The following SLC6A12 variants were observed in gnomAD, a reference collection of about 807,000 sequenced individuals.
The protein encoded by SLC6A12 is solute carrier family 6 member 12.
Under a neutral mutation model 73.3 loss-of-function variants are expected in SLC6A12, and 50 were observed. The ratio of observed to expected loss-of-function variants is 0.68; its 90% CI spans 0.54 to 0.86. SLC6A12 has a LOEUF of 0.86. Among genes scored for constraint, SLC6A12 ranks in the 40% least tolerant of loss-of-function variants. The pLI is 0.00. For synonymous variants in SLC6A12, 304 were observed against 309.2 expected (o/e 0.98, Z 0.18); for missense variants, 648 against 772.8 (o/e 0.84, Z 1.92).
chr12:187,589 C>CAAAAAAAAAAAAAAAAAAAAAAAAAAAA (rs761187495), downstream of SLC6A12, among the ~76,000 whole-genome samples: 11 of 106,052 alleles, frequency 1.0e-4, 1 homozygote, highest in East Asian at 3.1e-4. Context: ...TGCAAAAGAG[C>CAAAAAAAAAAAAAAAAAAAAAAAAAAAA]AAAAAAAAAA....
chr12:189,556 G>T (rs1048867267), downstream of SLC6A12, among the ~76,000 whole-genome samples: 2 of 152,122 alleles, frequency 1.3e-5, no homozygotes, highest in African/African-American at 4.8e-5. Flanking sequence ...GCCCCTGGGC[G>T]GGGGGTCCAG....
At chr12:187,615 AAAAAAAAAAAAAAAAACAAAC>A (rs1939457907), downstream of SLC6A12, among the ~76,000 whole-genome samples, 12 of 15,560 alleles carry the variant, frequency 7.7e-4, 1 homozygote, top group African/African-American at 1.1e-3. Context: ...AAAAAAAAAA[AAAAAAAAAAAAAAAAACAAAC>A]CACACACACA....
chr12:208,102 G>T (rs1940739468), intron 3 of SLC6A12, among the ~76,000 whole-genome samples: 1 of 152,160 alleles, frequency 6.6e-6, no homozygotes, highest in Non-Finnish European at 1.5e-5. Flanking sequence ...ACGCAGAAAT[G>T]GTTCCAAGGC....
rs1461633424 is a variant in SLC6A12 at position 209,926 on chromosome 12, CCT to C, written c.59_60del (p.Glu20GlyfsTer131). ...CGPPAVSWVP[E>X]EGEKLDQEDE... ...TCTTCCTGGTCCAACTTCTCTCCCT[CCT>C]CGGGGACCCAGGAGACTGCAGGAGG... On this transcript the variant is annotated frameshift_variant, in exon 3 of 16. Transcript: ENST00000684302. LOFTEE classifies it high-confidence loss of function. 6.2e-7 allele frequency: 1 copy of C among 1,614,108 alleles called. No individual in the cohort carries two copies. The highest frequency in any genetic ancestry group is 8.5e-7 in the Non-Finnish European group (1 of 1,180,048).
rs904562973 is a variant in SLC6A12 at position 195,413 on chromosome 12, G to T, written c.1327-86C>A. Reference sequence around the variant, plus strand: ...TCAGTGAGATGGCAAATGCCCACGTGGGGTGCACTCCTGCCCGGCCTGTGG... The same window carrying T: ...TCAGTGAGATGGCAAATGCCCACGTTGGGTGCACTCCTGCCCGGCCTGTGG... On this transcript the variant is annotated intron_variant, in intron 12 of 15. Coordinates refer to ENST00000684302, the MANE Select transcript of SLC6A12 (RefSeq NM_001122848.3). 1.1e-4 allele frequency: 100 copies of T among 871,510 alleles called. No homozygotes were observed. In the East Asian group the frequency reaches 2.4e-3, roughly 21 times the overall value. 54.0% of individuals were successfully genotyped at this position (871,510 alleles called of 1,614,324 possible).
chr12:198,522 C>T lies in SLC6A12; in HGVS notation c.846+275G>A, dbSNP rs1021102996. 3.9e-5 allele frequency: 13 copies of T among 330,594 alleles called. No individual in the cohort carries two copies. Among genetic ancestry groups the T allele is most frequent in the Non-Finnish European group, 6.6e-5 (12 of 180,474 alleles). The allele number at this position is 330,594 out of a possible 1,614,324, so 20.5% of individuals were successfully genotyped here. On this transcript the variant is annotated intron_variant, in intron 8 of 15. Transcript: ENST00000684302. The surrounding 1 kb of genome is among the most constrained non-coding windows in gnomAD (Gnocchi z 4.0). ...GAGGCTGCAGTGAGCTATGATGGCA[C>T]CACTGCACTCCAGCCTGGGGGACAG...
chr12:201,536 G>T, intron 6 of SLC6A12: 1 of 537,418 alleles, frequency 1.9e-6, no homozygotes, highest in Non-Finnish European at 3.4e-6. Context: ...GGGATGTGGG[G>T]CTGAAGGTGG....
downstream of SLC6A12, among the ~76,000 whole-genome samples, chr12:186,996 C>CA (rs1491259980): frequency 6.6e-6 from 1 of 152,164 alleles, no homozygotes; most frequent in Non-Finnish European, 1.5e-5. Context: ...CCAAAGTTCT[C>CA]ACTTTCTCCG....
intron 6 of SLC6A12, chr12:201,523 G>T (rs1056981408): frequency 3.9e-6 from 2 of 518,506 alleles, no homozygotes; most frequent in South Asian, 2.1e-5. Flanking sequence ...ACGCATGGAG[G>T]TAGGGATGTG....
chr12:203,542 C>T (rs1278078974), intron 4 of SLC6A12: 1 of 152,126 alleles, frequency 6.6e-6, no homozygotes, highest in African/African-American at 2.4e-5. Context: ...GAGGGACCCG[C>T]AGACGGCAGA....
the SLC6A12 span, among the ~76,000 whole-genome samples, chr12:184,519 G>A: frequency 6.6e-6 from 1 of 152,302 alleles, no homozygotes; most frequent in East Asian, 1.9e-4. Context: ...GGGAGGCCGA[G>A]GCGGGCGGAT....
At chr12:197,352 C>A in intron 10 of SLC6A12, 25 bp downstream of exon 10, 1 of 1,605,906 alleles carries the variant, frequency 6.2e-7, no homozygotes, top group Non-Finnish European at 8.5e-7. Context: ...TCCCCTCAGG[C>A]CCCAGACAGC....
chr12:200,609 C>A (rs1224259772), intron 7 of SLC6A12, 42 bp downstream of exon 7: 5 of 1,604,058 alleles, frequency 3.1e-6, no homozygotes, highest in Admixed American at 1.7e-5. Flanking sequence ...CCCGTAGACT[C>A]TGGGGGCCAA....
rs1000869786 is a variant in SLC6A12 at position 192,896 on chromosome 12, G to C, written c.1531-248C>G. 2.7e-4 allele frequency: 124 copies of C among 452,486 alleles called. 2 individuals are homozygous for C. The highest frequency in any genetic ancestry group is 9.2e-4 in the Admixed American group (26 of 28,112). 28.0% of individuals were successfully genotyped at this position (452,486 alleles called of 1,614,324 possible). A position where few individuals can be genotyped will look rare whatever the true frequency, so the allele number is the denominator to read the frequency against. ...CACATCACAGACGGAGACAGGAGGC[G>C]ATACAAAGGAAGGGAGGGGCTCGGA... On this transcript the variant is annotated intron_variant, in intron 14 of 15. Coordinates refer to ENST00000684302, the MANE Select transcript of SLC6A12 (RefSeq NM_001122848.3).
chr12:191,436 C>T (rs1237026234), intron 15 of SLC6A12, among the ~76,000 whole-genome samples: 1 of 152,202 alleles, frequency 6.6e-6, no homozygotes, highest in Non-Finnish European at 1.5e-5. Flanking sequence ...CTGCTGCCGA[C>T]CTGCGCCACC....
chr12:184,423 G>A, the SLC6A12 span, among the ~76,000 whole-genome samples: 1 of 152,082 alleles, frequency 6.6e-6, no homozygotes, highest in African/African-American at 2.4e-5. Context: ...TCAGGAGTTC[G>A]AGACCAGTCT....
chr12:186,593 T>C (rs191757633), downstream of SLC6A12, among the ~76,000 whole-genome samples: 10 of 152,312 alleles, frequency 6.6e-5, no homozygotes, highest in Admixed American at 5.9e-4. Context: ...TTCCACGCAG[T>C]GTATTCACCT....
At chr12:207,136 C>T (rs989732203) in intron 3 of SLC6A12, among the ~76,000 whole-genome samples, 1 of 152,260 alleles carries the variant, frequency 6.6e-6, no homozygotes, top group Non-Finnish European at 1.5e-5. Context: ...GACACTGCTA[C>T]ACCCTCCCCT....
At chr12:189,076 G>A (rs1185151347), downstream of SLC6A12, among the ~76,000 whole-genome samples, 1 of 152,252 alleles carries the variant, frequency 6.6e-6, no homozygotes, top group African/African-American at 2.4e-5. Context: ...TCCGCAGAGA[G>A]CGAGGCTTGG....
Sources: allele counts gnomAD v4.1 joint callset (sites outside exome capture counted in the v4.1 genomes callset), GRCh38; gene constraint gnomAD v4.1.1; non-coding constraint Gnocchi (gnomAD v3.1); transcripts MANE v1.5; gene names NCBI Gene and HGNC (gene_info 2026-07-23, HGNC 2026-07-21).